The following DDX10 variants were observed in gnomAD, a reference collection of about 807,000 sequenced individuals.
DDX10 encodes probable ATP-dependent RNA helicase DDX10.
A neutral mutation model predicts 104.3 loss-of-function variants in DDX10; 74 were observed. The observed-to-expected ratio is 0.71, with a 90% CI of 0.59 to 0.86. The LOEUF (loss-of-function observed/expected upper bound fraction) is 0.86, where lower values mean the gene tolerates loss of function less well. DDX10 is among the 40% of genes least tolerant of loss of function. DDX10 has a pLI of 0.00. For missense variants in DDX10, 952 were observed against 1,040.0 expected (o/e 0.92, Z 1.16); for synonymous variants, 351 against 353.4 (o/e 0.99, Z 0.08).
intron 9 of DDX10, 94 bp downstream of exon 9, chr11:108,693,694 A>G: frequency 7.0e-6 from 7 of 997,860 alleles, no homozygotes; most frequent in South Asian, 1.3e-5. Context: ...GGAATCAGGT[A>G]AGTGAGTGCT....
At chr11:108,912,463 C>T (rs1298829291) in intron 16 of DDX10, among the ~76,000 whole-genome samples, 1 of 152,038 alleles carries the variant, frequency 6.6e-6, no homozygotes, top group African/African-American at 2.4e-5. Context: ...AACTGATATC[C>T]TTCCTTCAAA....
intron 13 of DDX10, among the ~76,000 whole-genome samples, chr11:108,785,555 G>C (rs1341506707): frequency 6.6e-6 from 1 of 152,048 alleles, no homozygotes; most frequent in Non-Finnish European, 1.5e-5. Flanking sequence ...GATAGAATTC[G>C]GGTGTGAATC....
intron 9 of DDX10, among the ~76,000 whole-genome samples, chr11:108,696,660 A>C (rs2094260273): frequency 6.6e-6 from 1 of 152,118 alleles, no homozygotes; most frequent in Non-Finnish European, 1.5e-5. Context: ...AGGGTTGGAT[A>C]TGGTATCTCA....
intron 10 of DDX10, among the ~76,000 whole-genome samples, chr11:108,708,740 G>T (rs2094280101): frequency 6.6e-6 from 1 of 151,896 alleles, no homozygotes; most frequent in Non-Finnish European, 1.5e-5. Context: ...GCTAAATTTT[G>T]TATTTTTAGT....
rs1032573759 is a variant in DDX10 at position 108,890,031 on chromosome 11, C to G, written c.2305-27842C>G. Among the ~76,000 whole-genome samples the G allele has an allele frequency of 2.2e-4, 33 of 152,128 alleles. 1 individual carries two copies. The highest frequency in any genetic ancestry group is 6.8e-3 in the Middle Eastern group (2 of 294). On this transcript the variant is annotated intron_variant, in intron 16 of 17. Transcript: ENST00000322536. ...AAGCATATAGAACTTGATATAGGAC[C>G]AGATAATACGGAATAAACCAACAGA...
At chr11:108,893,519 A>G (rs1248030332) in intron 16 of DDX10, among the ~76,000 whole-genome samples, 2 of 151,910 alleles carry the variant, frequency 1.3e-5, no homozygotes, top group African/African-American at 4.8e-5. Flanking sequence ...AAATAATGAT[A>G]TTGTTCCTTC....
At chr11:108,813,571 T>C (rs758904228) in intron 13 of DDX10, among the ~76,000 whole-genome samples, 4 of 152,200 alleles carry the variant, frequency 2.6e-5, no homozygotes, top group Non-Finnish European at 4.4e-5. Context: ...TTTTTAAACC[T>C]TTTATATTGG....
chr11:108,774,638 T>C (rs1271471108), intron 13 of DDX10, among the ~76,000 whole-genome samples: 3 of 152,212 alleles, frequency 2.0e-5, no homozygotes, highest in Admixed American at 6.5e-5. Context: ...CTCCAAACTA[T>C]AGGGTTAAAA....
At chr11:108,768,080 TATATAATAC>T (rs2094358363) in intron 13 of DDX10, 1 of 152,254 alleles carries the variant, frequency 6.6e-6, no homozygotes, top group Non-Finnish European at 1.5e-5. Flanking sequence ...AAGACTGTGA[TATATAATAC>T]ATGTAACAAA....
In DDX10 at chr11:108,917,931, A is replaced by T; in HGVS notation, c.2363A>T (p.Asp788Val). 6.2e-7 allele frequency: 1 copy of T among 1,612,916 alleles called. No individual in the cohort carries two copies. The highest frequency in any genetic ancestry group is 2.2e-5 in the East Asian group (1 of 44,850). ...DWSDDDDDDD[D>V]GFDPSTLPDP... ...AGTGATGATGATGATGATGATGATG[A>T]TGGATTTGATCCAAGCACACTCCCA... Residue 788 changes from aspartate (D) to valine (V), a missense_variant, in exon 17 of 18, where the codon GAT (aspartate) becomes GTT (valine). Physicochemically the swap from Asp to Val is radical, Grantham distance 152. Coordinates refer to ENST00000322536, the MANE Select transcript of DDX10 (RefSeq NM_004398.4).
chr11:108,693,154 G>A (rs1214997272), intron 8 of DDX10, among the ~76,000 whole-genome samples: 2 of 152,090 alleles, frequency 1.3e-5, no homozygotes, highest in African/African-American at 4.8e-5. Context: ...TTCTGTTCCC[G>A]TTGGTTTGCT....
intron 6 of DDX10, among the ~76,000 whole-genome samples, chr11:108,685,521 C>T (rs1261753750): frequency 2.0e-4 from 30 of 152,188 alleles, no homozygotes; most frequent in Admixed American, 9.8e-4. Flanking sequence ...AGCTGTAGAC[C>T]GGAGCTGTTC....
intron 13 of DDX10, among the ~76,000 whole-genome samples, chr11:108,750,715 T>C (rs964050151): frequency 6.6e-6 from 1 of 151,416 alleles, no homozygotes; most frequent in East Asian, 1.9e-4. Context: ...ACTTTTCTTA[T>C]ATATATGAAT....
At chr11:108,904,093 GA>G (rs201369491) in intron 16 of DDX10, among the ~76,000 whole-genome samples, 5,992 of 151,968 alleles carry the variant, frequency 0.039, 155 homozygotes, top group South Asian at 0.086. Flanking sequence ...GGAAGGGAGA[GA>G]AAAAAAATTT....
intron 13 of DDX10, among the ~76,000 whole-genome samples, chr11:108,831,791 A>G (rs185835439): frequency 1.5e-3 from 225 of 152,214 alleles, no homozygotes; most frequent in Middle Eastern, 3.4e-3. Context: ...CTTGTAGCCA[A>G]TGTTAGCTAA....
At chr11:108,665,480 C>T in intron 1 of DDX10, 141 bp downstream of exon 1, 1 of 945,038 alleles carries the variant, frequency 1.1e-6, no homozygotes, top group East Asian at 2.8e-5. Context: ...GGTGCCACAG[C>T]TCAAACCTCT....
intron 13 of DDX10, among the ~76,000 whole-genome samples, chr11:108,828,301 AT>A (rs1337321693): frequency 6.6e-6 from 1 of 152,050 alleles, no homozygotes; most frequent in Non-Finnish European, 1.5e-5. Context: ...CTCCCTTGCC[AT>A]CCCCAACCCT....
chr11:108,691,771 AT>A, intron 7 of DDX10, 104 bp from the exon 8 acceptor site: 6 of 900,988 alleles, frequency 6.7e-6, no homozygotes, highest in African/African-American at 1.7e-5. Flanking sequence ...GGAATTGGGT[AT>A]CACATTGCTC....
intron 13 of DDX10, among the ~76,000 whole-genome samples, chr11:108,807,333 G>A (rs927304255): frequency 6.6e-6 from 1 of 152,132 alleles, no homozygotes; most frequent in East Asian, 1.9e-4. Flanking sequence ...AAGAAAGGAT[G>A]TTATGGGTTC....
Sources: allele counts gnomAD v4.1 joint callset (sites outside exome capture counted in the v4.1 genomes callset), GRCh38; gene constraint gnomAD v4.1.1; transcripts MANE v1.5; gene names NCBI Gene and HGNC (gene_info 2026-07-23, HGNC 2026-07-21).